The following SLC35F3 variants were observed in gnomAD, a reference collection of about 807,000 sequenced individuals.
SLC35F3 encodes putative thiamine transporter SLC35F3.
SLC35F3 carries 25 observed loss-of-function variants against 49.9 expected under a neutral mutation model. The observed-to-expected ratio is 0.50, with a 90% CI of 0.37 to 0.70. SLC35F3 has a LOEUF of 0.70. SLC35F3 is among the 30% of genes least tolerant of loss of function. SLC35F3 has a pLI of 0.00. For synonymous variants in SLC35F3, 275 were observed against 265.4 expected, an observed-to-expected ratio of 1.04 and a Z score of -0.35; for missense variants, 525 against 639.8, an observed-to-expected ratio of 0.82 and a Z score of 1.94.
chr1:233,929,502 AT>A (rs753486185), intron 2 of SLC35F3, among the ~76,000 whole-genome samples: 4 of 152,218 alleles, frequency 2.6e-5, no homozygotes, highest in Non-Finnish European at 5.9e-5. Flanking sequence ...ATGGACACAC[AT>A]AATAAAATAG....
At chr1:233,932,371 G>T (rs763545284) in intron 2 of SLC35F3, among the ~76,000 whole-genome samples, 2 of 152,152 alleles carry the variant, frequency 1.3e-5, no homozygotes, top group Non-Finnish European at 2.9e-5. Flanking sequence ...GTGGACCCTT[G>T]CAGTTCAAAT....
chr1:234,304,590 C>T (rs929352744), intron 3 of SLC35F3, among the ~76,000 whole-genome samples: 2 of 152,194 alleles, frequency 1.3e-5, no homozygotes, highest in Admixed American at 6.5e-5. Context: ...TCCTTCCTGT[C>T]CTTTAGTCCT....
chr1:233,905,594 A>C lies in SLC35F3; in HGVS notation c.119A>C (p.Gln40Pro). 1 of 1,614,158 alleles carries C rather than the reference A, an allele frequency of 6.2e-7. No individual in the cohort carries two copies. The highest frequency in any genetic ancestry group is 2.2e-5 in the East Asian group (1 of 44,868). Reference protein sequence around the residue: ...RLSDISPQLRQLKYLVVDEAI... With the variant: ...RLSDISPQLRPLKYLVVDEAI... ...TCCGACATCAGCCCCCAGCTCCGGCAGCTCAAGTACTTGGTGGTGGACGAG... is the reference window on the plus strand; with the variant it reads ...TCCGACATCAGCCCCCAGCTCCGGCCGCTCAAGTACTTGGTGGTGGACGAG... The change falls in exon 2 of 8, where the codon CAG (glutamine) becomes CCG (proline). Residue 40 changes from glutamine (Q) to proline (P), a missense_variant. Physicochemically the swap from Gln to Pro is moderately conservative, Grantham distance 76 (BLOSUM62 -1). Transcript: ENST00000366618.
intron 2 of SLC35F3, among the ~76,000 whole-genome samples, chr1:234,020,916 A>G (rs952259345): frequency 6.6e-6 from 1 of 152,216 alleles, no homozygotes; most frequent in Non-Finnish European, 1.5e-5. Context: ...AGAGCATTCA[A>G]TTGCTACTTT....
At position 234,320,680 on chromosome 1, in the gene SLC35F3, G is replaced by A. The variant is rs561552805; in HGVS notation, c.1237+493G>A. On this transcript the variant is annotated intron_variant, in intron 7 of 7. Coordinates refer to ENST00000366618, the MANE Select transcript of SLC35F3 (RefSeq NM_173508.4). The surrounding 1 kb of genome is among the most constrained non-coding windows in gnomAD (Gnocchi z 4.8). ...GCTGACAAGCTGAAGAAGCGTGAAC[G>A]GCATTTTCCCTGACCTCCGGGAAGA... is the stretch of plus-strand genomic sequence containing the variant. Among the ~76,000 whole-genome samples the A allele has an allele frequency of 1.5e-3, 230 of 152,274 alleles. 2 individuals carry two copies. The highest frequency in any genetic ancestry group is 2.9e-3 in the Admixed American group (44 of 15,294).
At chr1:233,968,479 C>A (rs975904738) in intron 2 of SLC35F3, among the ~76,000 whole-genome samples, 3 of 96,216 alleles carry the variant, frequency 3.1e-5, no homozygotes, top group African/African-American at 9.8e-5. Flanking sequence ...TTTTCTTTTT[C>A]TTTTTCTTTT....
At chr1:234,275,602 GACAC>G (rs58345055) in intron 3 of SLC35F3, among the ~76,000 whole-genome samples, 2 of 144,922 alleles carry the variant, frequency 1.4e-5, no homozygotes, top group African/African-American at 2.6e-5. Flanking sequence ...CAGACAGACA[GACAC>G]ACACACACAC....
chr1:234,053,913 CT>C (rs1276998843), intron 2 of SLC35F3, among the ~76,000 whole-genome samples: 2 of 152,112 alleles, frequency 1.3e-5, no homozygotes, highest in African/African-American at 4.8e-5. Context: ...CTTAGTTTGG[CT>C]TGATATGAAA....
chr1:234,075,407 T>G (rs186071030), intron 2 of SLC35F3, among the ~76,000 whole-genome samples: 1 of 152,218 alleles, frequency 6.6e-6, no homozygotes, highest in South Asian at 2.1e-4. Flanking sequence ...TTTTAATATA[T>G]GTACAAAAAT....
chr1:233,913,273 A>G (rs1013149227), intron 2 of SLC35F3, among the ~76,000 whole-genome samples: 4 of 152,208 alleles, frequency 2.6e-5, no homozygotes, highest in Non-Finnish European at 5.9e-5. Flanking sequence ...AGTGTCGTGT[A>G]TGAAGTTGGA....
At chr1:234,311,150 C>T (rs1351558300) in intron 4 of SLC35F3, among the ~76,000 whole-genome samples, 2 of 152,190 alleles carry the variant, frequency 1.3e-5, no homozygotes, top group African/African-American at 4.8e-5. Flanking sequence ...AATCATTATT[C>T]CTCTCCGAAG....
intron 2 of SLC35F3, among the ~76,000 whole-genome samples, chr1:234,115,824 TATCTC>T (rs143186523): frequency 0.091 from 13,710 of 151,246 alleles, 1,123 homozygotes; most frequent in African/African-American, 0.22. Context: ...ATCTGAGACT[TATCTC>T]AATCAGTTTT....
intron 2 of SLC35F3, among the ~76,000 whole-genome samples, chr1:234,204,951 C>T (rs1482801400): frequency 2.0e-5 from 3 of 152,226 alleles, no homozygotes; most frequent in Admixed American, 2.0e-4. Context: ...TTTGGAACAT[C>T]TCTCTCCCTT....
At chr1:233,914,998 T>C (rs568857196) in intron 2 of SLC35F3, among the ~76,000 whole-genome samples, 3 of 152,232 alleles carry the variant, frequency 2.0e-5, no homozygotes, top group Non-Finnish European at 4.4e-5. Context: ...CATTTGAGAT[T>C]GGAGGAAACG....
chr1:234,255,392 T>C (rs1057113536), intron 3 of SLC35F3, among the ~76,000 whole-genome samples: 6 of 152,358 alleles, frequency 3.9e-5, no homozygotes, highest in Non-Finnish European at 5.9e-5. Flanking sequence ...ACTCTTCTTA[T>C]TCATTGCTGG....
chr1:233,917,381 C>T (rs1335882033), intron 2 of SLC35F3, among the ~76,000 whole-genome samples: 1 of 152,202 alleles, frequency 6.6e-6, no homozygotes, highest in Non-Finnish European at 1.5e-5. Context: ...GAAACTTGAG[C>T]TCTGCTGCTG....
chr1:234,186,335 A>T (rs1666643339), intron 2 of SLC35F3, among the ~76,000 whole-genome samples: 1 of 152,200 alleles, frequency 6.6e-6, no homozygotes, highest in Non-Finnish European at 1.5e-5. Context: ...AACTTTAACA[A>T]CTGACCAGTA....
intron 3 of SLC35F3, among the ~76,000 whole-genome samples, chr1:234,281,089 C>A (rs1436294372): frequency 1.3e-5 from 2 of 152,058 alleles, no homozygotes; most frequent in Admixed American, 6.6e-5. Context: ...TGTCCCCCCC[C>A]CATGCTCAAA....
At chr1:233,992,646 A>T (rs959246107) in intron 2 of SLC35F3, among the ~76,000 whole-genome samples, 2 of 152,212 alleles carry the variant, frequency 1.3e-5, no homozygotes, top group Admixed American at 6.5e-5. Flanking sequence ...CCAGTTCTCA[A>T]TGCCATCACA....
Sources: gnomAD v4.1 joint callset for allele counts (sites outside exome capture counted in the v4.1 genomes callset) on GRCh38, gnomAD v4.1.1 for gene constraint, Gnocchi (gnomAD v3.1) non-coding constraint, MANE v1.5 for transcripts, NCBI Gene and HGNC (gene_info 2026-07-23, HGNC 2026-07-21) for gene names.